Variants in RYR2 observed in about 807,000 individuals in gnomAD.
The protein encoded by RYR2 is ryanodine receptor 2.
A neutral mutation model predicts 601.1 loss-of-function variants in RYR2; 227 were observed. The observed-to-expected ratio is 0.38, with a 90% CI of 0.34 to 0.42. The LOEUF is 0.42. RYR2 is among the 10% of genes least tolerant of loss of function. The pLI, the probability that RYR2 is intolerant of heterozygous loss-of-function variation, is 1.00. For synonymous variants in RYR2, 2,223 were observed against 2,175.1 expected, an observed-to-expected ratio of 1.02 and a Z score of -0.61; for missense variants, 4,646 against 6,156.5, an observed-to-expected ratio of 0.75 and a Z score of 8.21.
At chr1:237,767,703 A>G (rs1368203398) in intron 84 of RYR2, among the ~76,000 whole-genome samples, 8 of 152,220 alleles carry the variant, frequency 5.3e-5, no homozygotes, top group Admixed American at 5.2e-4. Context: ...TTGTAATATA[A>G]TTGAAGCAGT....
In RYR2 at chr1:237,096,804, A is replaced by G. The variant is rs370868186; in HGVS notation, c.48+54235A>G. Among the ~76,000 whole-genome samples, 31 of 152,328 alleles carry G rather than the reference A, an allele frequency of 2.0e-4. No homozygotes were observed. The East Asian group carries it at 6.0e-3, about 29-fold the overall frequency. On this transcript the variant is annotated intron_variant, in intron 1 of 104. Transcript: ENST00000366574. The stretch of plus-strand genomic sequence containing the variant: ...ATGTTCGGAACCTGTTTTCTATGAC[A>G]TAGTTGGTAGAGAGCAACATCTCAT...
chr1:237,713,943 T>C (rs1689047983), intron 71 of RYR2, among the ~76,000 whole-genome samples: 1 of 146,362 alleles, frequency 6.8e-6, no homozygotes, highest in Non-Finnish European at 1.5e-5. Flanking sequence ...TTTTTATAGG[T>C]TTTTTTTTTT....
chr1:237,109,701 G>A (rs1291997969), intron 1 of RYR2, among the ~76,000 whole-genome samples: 2 of 144,676 alleles, frequency 1.4e-5, no homozygotes, highest in Admixed American at 7.2e-5. Context: ...CAGCCTGGGC[G>A]ACAGAGCGAG....
intron 1 of RYR2, among the ~76,000 whole-genome samples, chr1:237,110,491 C>T (rs1458113085): frequency 1.3e-5 from 2 of 150,736 alleles, no homozygotes; most frequent in Non-Finnish European, 2.9e-5. Flanking sequence ...GTTCAATTCC[C>T]ACCTATGAGT....
intron 27 of RYR2, among the ~76,000 whole-genome samples, chr1:237,563,944 A>G (rs889357168): frequency 4.6e-5 from 7 of 152,196 alleles, no homozygotes; most frequent in African/African-American, 1.2e-4. Context: ...TATAATGACT[A>G]TAGTATATAC....
chr1:237,237,245 C>T (rs902763467), intron 1 of RYR2, among the ~76,000 whole-genome samples: 2 of 152,144 alleles, frequency 1.3e-5, no homozygotes, highest in African/African-American at 4.8e-5. Flanking sequence ...AAGACTAATA[C>T]AAGTAGTATC....
At position 237,432,495 on chromosome 1, in the gene RYR2, C is replaced by G. The variant is rs746225549; in HGVS notation, c.1006-8824C>G. ...AAGTGGTATAGGGGGATTTGATTCT[C>G]CTGACTCAGTCTTCTCTGGGAAGGG... On this transcript the variant is annotated intron_variant, in intron 12 of 104. Coordinates refer to ENST00000366574, the MANE Select transcript of RYR2 (RefSeq NM_001035.3). Among the ~76,000 whole-genome samples the G allele has an allele frequency of 2.6e-5, 4 of 152,214 alleles. No individual in the cohort carries two copies. The South Asian group carries it at 8.3e-4, about 32-fold the overall frequency.
At chr1:237,376,519 C>T (rs762750956) in intron 7 of RYR2, among the ~76,000 whole-genome samples, 3 of 152,010 alleles carry the variant, frequency 2.0e-5, no homozygotes, top group African/African-American at 4.8e-5. Flanking sequence ...TAAATGATGA[C>T]GGATATCATG....
At chr1:237,410,463 T>C (rs906699184) in intron 10 of RYR2, among the ~76,000 whole-genome samples, 4 of 145,830 alleles carry the variant, frequency 2.7e-5, no homozygotes, top group Admixed American at 2.1e-4. Flanking sequence ...ACCAATAATA[T>C]GGGTAGAATA....
In RYR2 at chr1:237,617,415, C is replaced by T; in HGVS notation, c.5845C>T (p.Gln1949Ter). 1 of 1,613,956 alleles carries T rather than the reference C, an allele frequency of 6.2e-7. No individual in the cohort carries two copies. The highest frequency in any genetic ancestry group is 8.5e-7 in the Non-Finnish European group (1 of 1,179,866). ...ACGTTTCCGATACAACGAAGTCATGCAAGCCTTAAACATGTCAGCTGCACT... is the reference window on the plus strand; with the variant it reads ...ACGTTTCCGATACAACGAAGTCATGTAAGCCTTAAACATGTCAGCTGCACT... ...NQRFRYNEVM[Q>*]ALNMSAALTA... is the part of the protein sequence containing the mutation. The change falls in exon 38 of 105, where the codon CAA becomes TAA. Residue 1949 changes from glutamine to a stop codon, truncating the protein, a stop_gained. Transcript: ENST00000366574. LOFTEE classifies it high-confidence loss of function.
rs1039141344 is a variant in RYR2 at position 237,613,924 on chromosome 1, C to T, written c.4911-115C>T. 3.3e-6 allele frequency: 3 copies of T among 917,268 alleles called. No individual in the cohort carries two copies. The African/African-American group carries it at 5.0e-5, about 15-fold the overall frequency. 56.8% of individuals were successfully genotyped at this position (917,268 alleles called of 1,614,324 possible). A position where few individuals can be genotyped will look rare whatever the true frequency, so the allele number is the denominator to read the frequency against. ...ATTAGGGATGTTCAACCTGCAGTGT[C>T]TATTCCCATAACTTTTTTCCTTCAA... On this transcript the variant is annotated intron_variant, in intron 36 of 104. Coordinates refer to ENST00000366574, the MANE Select transcript of RYR2 (RefSeq NM_001035.3).
chr1:237,728,455 A>G (rs1335240272), intron 76 of RYR2, among the ~76,000 whole-genome samples: 1 of 152,140 alleles, frequency 6.6e-6, no homozygotes, highest in Non-Finnish European at 1.5e-5. Context: ...AGGATTATAA[A>G]TCATTCTACT....
Position 237,733,647 on chromosome 1 carries a change from G to A in RYR2, c.11040-58G>A, listed in dbSNP as rs962754448. On this transcript the variant is annotated intron_variant, in intron 78 of 104. Transcript: ENST00000366574. Reference sequence around the variant, plus strand: ...AGGTTATTTTAAGCAGCGATGATACGTGTGCATGTGCCTAGCCTTCTGCTT... The same window carrying A: ...AGGTTATTTTAAGCAGCGATGATACATGTGCATGTGCCTAGCCTTCTGCTT... 4.1e-5 allele frequency: 44 copies of A among 1,061,756 alleles called. No individual in the cohort carries two copies. In the African/African-American group the frequency reaches 5.6e-4, roughly 14 times the overall value. The allele number at this position is 1,061,756 out of a possible 1,614,324, so 65.8% of individuals were successfully genotyped here.
intron 24 of RYR2, among the ~76,000 whole-genome samples, chr1:237,529,533 A>T (rs1173932134): frequency 6.6e-6 from 1 of 152,150 alleles, no homozygotes; most frequent in African/African-American, 2.4e-5. Flanking sequence ...CTATCCACAC[A>T]TTATTAAAAT....
chr1:237,330,667 C>T lies in RYR2; in HGVS notation c.169-211C>T, dbSNP rs548926422. Reference sequence around the variant, plus strand: ...CCTCCCAGAGTGCTGGGATTACAGGCGTGAGCCACCGCACCCGGCCACTAT... The same window carrying T: ...CCTCCCAGAGTGCTGGGATTACAGGTGTGAGCCACCGCACCCGGCCACTAT... On this transcript the variant is annotated intron_variant, in intron 2 of 104. Coordinates refer to ENST00000366574, the MANE Select transcript of RYR2 (RefSeq NM_001035.3). Among the ~76,000 whole-genome samples, 16 of 152,284 alleles carry T rather than the reference C, an allele frequency of 1.1e-4. No homozygotes were observed. The East Asian group carries it at 2.1e-3, about 20-fold the overall frequency.
intron 49 of RYR2, among the ~76,000 whole-genome samples, chr1:237,649,026 G>A (rs1682454821): frequency 6.6e-6 from 1 of 152,202 alleles, no homozygotes; most frequent in African/African-American, 2.4e-5. Flanking sequence ...ATATTGTTGA[G>A]TCAGTATCAT....
At chr1:237,327,387 G>C (rs1696271945) in intron 2 of RYR2, among the ~76,000 whole-genome samples, 1 of 152,064 alleles carries the variant, frequency 6.6e-6, no homozygotes, top group African/African-American at 2.4e-5. Context: ...CATTTGACAG[G>C]ATTAATTCAT....
At position 237,348,485 on chromosome 1, in the gene RYR2, T is replaced by C. The variant is rs377245580; in HGVS notation, c.274-7480T>C. On this transcript the variant is annotated intron_variant, in intron 3 of 104. Transcript: ENST00000366574. ...TTTGATAATCATTCCAGGCTCTCAG[T>C]TGGAATCCTTGGAAGTTATGATTAC... is the stretch of plus-strand genomic sequence containing the variant. 6.6e-5 allele frequency among the ~76,000 whole-genome samples: 10 copies of C among 152,278 alleles called. No homozygotes were observed. In the East Asian group the frequency reaches 1.7e-3, roughly 26 times the overall value.
intron 96 of RYR2, among the ~76,000 whole-genome samples, chr1:237,797,830 T>C (rs1458402261): frequency 1.3e-5 from 2 of 152,208 alleles, no homozygotes; most frequent in Non-Finnish European, 2.9e-5. Flanking sequence ...GAAATCTTGT[T>C]CCTCAGATAG....
Sources: allele counts gnomAD v4.1 joint callset (sites outside exome capture counted in the v4.1 genomes callset), GRCh38; gene constraint gnomAD v4.1.1; transcripts MANE v1.5; gene names NCBI Gene and HGNC (gene_info 2026-07-23, HGNC 2026-07-21).